Variants in TMEM132D observed in about 807,000 individuals in gnomAD.
The protein encoded by TMEM132D is transmembrane protein 132D, also known as mature OL transmembrane protein.
TMEM132D carries 21 observed loss-of-function variants against 62.3 expected under a neutral mutation model. That is an observed-to-expected ratio of 0.34 (90% CI 0.24 to 0.49). The LOEUF (loss-of-function observed/expected upper bound fraction) is 0.49. Ranked by LOEUF, TMEM132D falls within the 20% of genes least tolerant of loss-of-function variation. The pLI, the probability that TMEM132D is intolerant of heterozygous loss-of-function variation, is 0.99. For synonymous variants in TMEM132D, 621 were observed against 575.6 expected (o/e 1.08, Z -1.13); for missense variants, 1,346 against 1,402.8 (o/e 0.96, Z 0.65).
chr12:129,298,585 C>T (rs1404115735), intron 4 of TMEM132D, among the ~76,000 whole-genome samples: 1 of 152,284 alleles, frequency 6.6e-6, no homozygotes, highest in Non-Finnish European at 1.5e-5. Context: ...TCACTGTGTA[C>T]CCATTAACCA....
At chr12:129,770,493 C>T (rs576428419) in intron 1 of TMEM132D, among the ~76,000 whole-genome samples, 4 of 152,242 alleles carry the variant, frequency 2.6e-5, no homozygotes, top group South Asian at 2.1e-4. Flanking sequence ...CATATTTATG[C>T]ACCACATTGG....
intron 3 of TMEM132D, among the ~76,000 whole-genome samples, chr12:129,350,715 C>T (rs1869837023): frequency 1.3e-5 from 2 of 152,206 alleles, no homozygotes. Flanking sequence ...CTGGCATATT[C>T]AACCAACCAA....
At chr12:129,160,085 TG>T (rs1877358323) in intron 5 of TMEM132D, among the ~76,000 whole-genome samples, 1 of 152,156 alleles carries the variant, frequency 6.6e-6, no homozygotes, top group Non-Finnish European at 1.5e-5. Flanking sequence ...AGCTCTGATT[TG>T]GGGGCTGCAA....
intron 3 of TMEM132D, among the ~76,000 whole-genome samples, chr12:129,385,085 C>CTTTTT (rs869098367): frequency 1.2e-5 from 1 of 86,874 alleles, no homozygotes; most frequent in Non-Finnish European, 2.1e-5. Flanking sequence ...TGTTAAAGTT[C>CTTTTT]TTTTTTTTTT....
At chr12:129,406,662 C>G (rs915801226) in intron 3 of TMEM132D, among the ~76,000 whole-genome samples, 2 of 151,764 alleles carry the variant, frequency 1.3e-5, no homozygotes, top group Non-Finnish European at 2.9e-5. Context: ...TACACACATA[C>G]ACACCATGTA....
intron 2 of TMEM132D, among the ~76,000 whole-genome samples, chr12:129,660,290 A>C (rs532158358): frequency 7.0e-6 from 1 of 142,790 alleles, no homozygotes; most frequent in South Asian, 2.4e-4. Flanking sequence ...AGAAGCACAC[A>C]GTGGTTCACT....
chr12:129,897,580 C>T (rs1593203219), intron 1 of TMEM132D, among the ~76,000 whole-genome samples: 1 of 151,954 alleles, frequency 6.6e-6, no homozygotes, highest in East Asian at 1.9e-4. Context: ...ATAAAAAAAA[C>T]AAAAAAGAAG....
chr12:129,281,494 A>T (rs1433925742), intron 4 of TMEM132D, among the ~76,000 whole-genome samples: 1 of 151,346 alleles, frequency 6.6e-6, no homozygotes, highest in Non-Finnish European at 1.5e-5. Flanking sequence ...GCTTGTGGTT[A>T]TGTCTTGACA....
intron 5 of TMEM132D, among the ~76,000 whole-genome samples, chr12:129,179,321 TTTTTTTGTTTTTTG>T (rs140780173): frequency 6.6e-6 from 1 of 151,870 alleles, no homozygotes; most frequent in South Asian, 2.1e-4. Context: ...AGGTAGCCTT[TTTTTTTGTTTTTTG>T]TTTTTTGTTT....
intron 2 of TMEM132D, among the ~76,000 whole-genome samples, chr12:129,687,367 A>T (rs1880957462): frequency 6.6e-6 from 1 of 152,048 alleles, no homozygotes; most frequent in Non-Finnish European, 1.5e-5. Flanking sequence ...CTCATTGAGG[A>T]GTCTGCAGTG....
At chr12:129,226,874 C>T (rs557596020) in intron 4 of TMEM132D, among the ~76,000 whole-genome samples, 2 of 152,276 alleles carry the variant, frequency 1.3e-5, no homozygotes, top group Non-Finnish European at 2.9e-5. Context: ...CTGGGTCACC[C>T]CACAACCCCT....
intron 3 of TMEM132D, among the ~76,000 whole-genome samples, chr12:129,340,493 T>TATATC (rs1869438228): frequency 6.6e-6 from 1 of 151,560 alleles, no homozygotes; most frequent in Admixed American, 6.6e-5. Flanking sequence ...GTGTGTGATG[T>TATATC]TCCCCTTCCT....
At chr12:129,572,028 C>A (rs1194103952) in intron 2 of TMEM132D, among the ~76,000 whole-genome samples, 4 of 152,132 alleles carry the variant, frequency 2.6e-5, no homozygotes, top group African/African-American at 9.7e-5. Flanking sequence ...CAAGAGGTGA[C>A]CTCATCCGCA....
intron 1 of TMEM132D, among the ~76,000 whole-genome samples, chr12:129,745,100 T>G (rs1254517049): frequency 6.6e-6 from 1 of 152,194 alleles, no homozygotes; most frequent in Non-Finnish European, 1.5e-5. Flanking sequence ...TCTGCCATGA[T>G]GGTAAGTTTC....
chr12:129,192,920 C>A (rs1269668027), intron 5 of TMEM132D, among the ~76,000 whole-genome samples: 1 of 152,128 alleles, frequency 6.6e-6, no homozygotes, highest in Non-Finnish European at 1.5e-5. Flanking sequence ...CCTGTAATCC[C>A]AACACTTTGG....
chr12:129,771,531 C>A (rs947732032), intron 1 of TMEM132D, among the ~76,000 whole-genome samples: 1 of 152,184 alleles, frequency 6.6e-6, no homozygotes, highest in Non-Finnish European at 1.5e-5. Flanking sequence ...CTGCCGGTTG[C>A]CTATTTGCAA....
At chr12:129,605,896 C>T (rs1335688852) in intron 2 of TMEM132D, among the ~76,000 whole-genome samples, 2 of 151,906 alleles carry the variant, frequency 1.3e-5, no homozygotes, top group East Asian at 3.9e-4. Context: ...AGAAAACAGC[C>T]AGGAACCTGG....
Position 129,701,166 on chromosome 12 carries a change from G to A in TMEM132D, c.80-468C>T, listed in dbSNP as rs1881377068. 2.0e-5 allele frequency among the ~76,000 whole-genome samples: 3 copies of A among 152,232 alleles called. 1 individual carries two copies. Among genetic ancestry groups the A allele is most frequent in the South Asian group, 2.1e-4 (1 of 4,812 alleles). On this transcript the variant is annotated intron_variant, in intron 1 of 8. Transcript: ENST00000422113. Reference sequence around the variant, plus strand: ...TCCTCAACACATGGATTGATGCCACGTCCACATTCCACCTGATACATATTC... The same window carrying A: ...TCCTCAACACATGGATTGATGCCACATCCACATTCCACCTGATACATATTC...
intron 2 of TMEM132D, among the ~76,000 whole-genome samples, chr12:129,694,025 C>A (rs1385097706): frequency 6.6e-6 from 1 of 152,214 alleles, no homozygotes; most frequent in Non-Finnish European, 1.5e-5. Context: ...CTTGAATCCT[C>A]TCTCTGGTGT....
Sources: gnomAD v4.1 joint callset for allele counts (sites outside exome capture counted in the v4.1 genomes callset) on GRCh38, gnomAD v4.1.1 for gene constraint, MANE v1.5 for transcripts, NCBI Gene and HGNC (gene_info 2026-07-23, HGNC 2026-07-21) for gene names.